The following MKRN1 variants were observed in gnomAD, a reference collection of about 807,000 sequenced individuals.
MKRN1 encodes the protein makorin ring finger protein 1, also known as E3 ubiquitin-protein ligase makorin-1.
Under a neutral mutation model 55.5 loss-of-function variants are expected in MKRN1, and 9 were observed. The ratio of observed to expected loss-of-function variants is 0.16; its 90% confidence interval spans 0.10 to 0.28. The LOEUF is 0.28. Among genes scored for constraint, MKRN1 ranks in the 10% least tolerant of loss-of-function variants. The pLI is 1.00. For synonymous variants in MKRN1, 253 were observed against 235.9 expected (o/e 1.07, Z -0.66); for missense variants, 488 against 626.7 (o/e 0.78, Z 2.36).
chr7:140,468,619 T>G (rs1214477247), intron 2 of MKRN1, among the ~76,000 whole-genome samples: 1 of 142,896 alleles, frequency 7.0e-6, no homozygotes, highest in Non-Finnish European at 1.5e-5. Flanking sequence ...GAGAATTGCT[T>G]GAACCAGGGA....
At chr7:140,470,788 G>A (rs769647114) in intron 2 of MKRN1, among the ~76,000 whole-genome samples, 3 of 151,702 alleles carry the variant, frequency 2.0e-5, no homozygotes, top group African/African-American at 2.4e-5. Flanking sequence ...ATAGTGGCAC[G>A]CAGATGTAAT....
At chr7:140,459,393 A>T (rs1423910661) in intron 3 of MKRN1, among the ~76,000 whole-genome samples, 160 bp from the exon 4 acceptor site, 1 of 151,266 alleles carries the variant, frequency 6.6e-6, no homozygotes, top group East Asian at 1.9e-4. Context: ...AATTTTTTCT[A>T]CCGCTGTTAT....
At chr7:140,466,350 C>T (rs1203657534) in intron 2 of MKRN1, among the ~76,000 whole-genome samples, 4 of 152,118 alleles carry the variant, frequency 2.6e-5, no homozygotes, top group Admixed American at 6.6e-5. Context: ...AGAAAAGAGG[C>T]AGCTACATCC....
chr7:140,465,798 G>A (rs2130302872), intron 2 of MKRN1, among the ~76,000 whole-genome samples: 1 of 152,198 alleles, frequency 6.6e-6, no homozygotes, highest in South Asian at 2.1e-4. Flanking sequence ...TAAGAGGTAG[G>A]TGGCCGGGTG....
chr7:140,465,054 G>T (rs1450480509), intron 2 of MKRN1, among the ~76,000 whole-genome samples: 1 of 152,128 alleles, frequency 6.6e-6, no homozygotes, highest in East Asian at 1.9e-4. Flanking sequence ...AATGTCTAAG[G>T]AAGTTTAATC....
intron 1 of MKRN1, chr7:140,478,568 T>C (rs1563099753): frequency 6.6e-6 from 1 of 151,952 alleles, no homozygotes; most frequent in Non-Finnish European, 1.5e-5. Context: ...TCGACAAACA[T>C]ACAAAGAAGA....
chr7:140,476,849 G>A (rs966851668), intron 1 of MKRN1, among the ~76,000 whole-genome samples: 1 of 152,084 alleles, frequency 6.6e-6, no homozygotes, highest in African/African-American at 2.4e-5. Flanking sequence ...GGAGGCTGAG[G>A]CCGGCAGATC....
At chr7:140,478,331 C>G (rs1222398732) in intron 1 of MKRN1, 4 of 152,192 alleles carry the variant, frequency 2.6e-5, no homozygotes, top group African/African-American at 9.7e-5. Context: ...ACCGCCATCC[C>G]TTAATTTTTC....
intron 1 of MKRN1, chr7:140,477,989 T>C (rs1290451348): frequency 6.6e-6 from 1 of 152,214 alleles, no homozygotes; most frequent in African/African-American, 2.4e-5. Context: ...ATAATTAAGC[T>C]TATCCTTCAC....
chr7:140,476,387 G>A (rs754056154), intron 1 of MKRN1, among the ~76,000 whole-genome samples: 1 of 145,946 alleles, frequency 6.9e-6, no homozygotes, highest in Non-Finnish European at 1.5e-5. Context: ...CAGGAGAATC[G>A]CTTGAACCCA....
Position 140,467,624 on chromosome 7 carries a change from C to T in MKRN1, c.314+4259G>A, listed in dbSNP as rs182896855. Among the ~76,000 whole-genome samples the T allele has an allele frequency of 6.8e-4, 104 of 152,234 alleles. 1 individual carries two copies. Among genetic ancestry groups the T allele is most frequent in the African/African-American group, 2.4e-3 (99 of 41,542 alleles). On this transcript the variant is annotated intron_variant, in intron 2 of 7. Coordinates refer to ENST00000255977, the MANE Select transcript of MKRN1 (RefSeq NM_013446.4). ...TGCATCTGCCTCAACGTCAGAGGCT[C>T]ACCAAAATAGGGAACCTACCTAATT...
chr7:140,461,656 A>G (rs1794620020), intron 2 of MKRN1, among the ~76,000 whole-genome samples: 1 of 151,308 alleles, frequency 6.6e-6, no homozygotes, highest in Non-Finnish European at 1.5e-5. Context: ...AAAAAAAAGC[A>G]AAGCATAGCA....
chr7:140,468,002 CAAAA>C (rs566154288), intron 2 of MKRN1, among the ~76,000 whole-genome samples: 5 of 88,766 alleles, frequency 5.6e-5, no homozygotes, highest in African/African-American at 1.6e-4. Context: ...AATTCTGTCT[CAAAA>C]AAAAAAAAAA....
Position 140,459,151 on chromosome 7 carries a change from T to C in MKRN1, c.627A>G (p.Thr209=), listed in dbSNP as rs1245381626. The part of the protein sequence containing the change: ...ESEKEQTAVE[T]KKQLCPYAAV... The stretch of plus-strand genomic sequence containing the variant: ...CAGCATAGGGGCACAGCTGCTTCTT[T>C]GTCTCCACGGCGGTTTGCTCTTTCT... Residue 209 remains threonine (T), a synonymous_variant, in exon 4 of 8, where the codon ACA becomes ACG. Transcript: ENST00000255977. 6.2e-7 allele frequency: 1 copy of C among 1,613,834 alleles called. No homozygotes were observed. The highest frequency in any genetic ancestry group is 1.1e-5 in the South Asian group (1 of 91,072).
intron 5 of MKRN1, 86 bp downstream of exon 5, chr7:140,456,566 C>T (rs1020510880): frequency 1.6e-5 from 25 of 1,536,138 alleles, no homozygotes; most frequent in South Asian, 3.7e-5. Context: ...CATTTAAATG[C>T]GGTCCATCTG....
At chr7:140,466,493 C>T (rs552505202) in intron 2 of MKRN1, among the ~76,000 whole-genome samples, 1 of 152,086 alleles carries the variant, frequency 6.6e-6, no homozygotes, top group Admixed American at 6.6e-5. Flanking sequence ...AGGGAGACCC[C>T]GTCTCTACAA....
intron 1 of MKRN1, 186 bp downstream of exon 1, chr7:140,478,974 G>T (rs999222463): frequency 4.4e-6 from 3 of 679,672 alleles, no homozygotes; most frequent in African/African-American, 3.8e-5. Context: ...CCCAGCGGGG[G>T]TTGACGCAGT....
intron 1 of MKRN1, among the ~76,000 whole-genome samples, chr7:140,476,297 T>C (rs73491007): frequency 0.02 from 3,061 of 152,086 alleles, 117 homozygotes; most frequent in African/African-American, 0.07. Context: ...AATGTTTACT[T>C]ACTGAATGAT....
At position 140,478,725 on chromosome 7, in the gene MKRN1, G is replaced by C. The variant is rs1048030201; in HGVS notation, c.185+435C>G. The C allele has an allele frequency of 2.0e-5, 3 of 153,728 alleles. No homozygotes were observed. In the Admixed American group the frequency reaches 2.0e-4, roughly 10 times the overall value. 9.5% of individuals were successfully genotyped at this position (153,728 alleles called of 1,614,324 possible). ...GCTGGGGCCCTCGGCGGGGTGTCTA[G>C]GCCCGGAGAGGATCGCTGGGAGACC... is the stretch of plus-strand genomic sequence containing the variant. On this transcript the variant is annotated intron_variant, in intron 1 of 7. Coordinates refer to ENST00000255977, the MANE Select transcript of MKRN1 (RefSeq NM_013446.4).
Sources: gnomAD v4.1 joint callset for allele counts (sites outside exome capture counted in the v4.1 genomes callset) on GRCh38, gnomAD v4.1.1 for gene constraint, MANE v1.5 for transcripts, NCBI Gene and HGNC (gene_info 2026-07-23, HGNC 2026-07-21) for gene names.